The following NGEF variants were observed in gnomAD, a reference collection of about 807,000 sequenced individuals.
NGEF encodes neuronal guanine nucleotide exchange factor.
In NGEF, 31 loss-of-function variants were observed where a neutral mutation model predicts 80.9. That is an observed-to-expected ratio of 0.38 (90% confidence interval 0.29 to 0.52). The LOEUF is 0.52. Ranked by LOEUF, NGEF falls within the 20% of genes least tolerant of loss-of-function variation. The pLI is 0.84. For synonymous variants in NGEF, 371 were observed against 370.2 expected (o/e 1.00, Z -0.03); for missense variants, 709 against 926.2 (o/e 0.77, Z 3.04).
At chr2:232,988,713 A>G (rs985501092) in intron 1 of NGEF, among the ~76,000 whole-genome samples, 12 of 152,210 alleles carry the variant, frequency 7.9e-5, no homozygotes, top group Admixed American at 5.9e-4. Context: ...TCATGGCAGC[A>G]TTGTTCAAGG....
chr2:232,899,004 G>A (rs1295213830), intron 5 of NGEF, among the ~76,000 whole-genome samples: 1 of 152,078 alleles, frequency 6.6e-6, no homozygotes, highest in Non-Finnish European at 1.5e-5. Flanking sequence ...GTGAATGGGT[G>A]TATGTGTGTT....
At chr2:232,929,373 A>G (rs1424244332) in intron 3 of NGEF, among the ~76,000 whole-genome samples, 1 of 152,216 alleles carries the variant, frequency 6.6e-6, no homozygotes, top group Admixed American at 6.5e-5. Context: ...GCTGAGAAGC[A>G]TTAAGCTTTT....
intron 1 of NGEF, among the ~76,000 whole-genome samples, chr2:232,986,748 C>T (rs1694539937): frequency 6.6e-6 from 1 of 152,126 alleles, no homozygotes; most frequent in African/African-American, 2.4e-5. Flanking sequence ...TAAAACCTTT[C>T]AATTATAAGA....
chr2:232,968,561 C>T (rs1253878652), intron 3 of NGEF, among the ~76,000 whole-genome samples: 1 of 151,944 alleles, frequency 6.6e-6, no homozygotes, highest in East Asian at 1.9e-4. Context: ...TGCACCATCA[C>T]ATGTGGCTAA....
chr2:232,981,722 C>G (rs146247412), intron 1 of NGEF, among the ~76,000 whole-genome samples: 6 of 152,318 alleles, frequency 3.9e-5, no homozygotes, highest in Non-Finnish European at 8.8e-5. Flanking sequence ...AAACTCCAAT[C>G]CCCGAATGCT....
At chr2:232,946,410 C>T (rs1693559657) in intron 3 of NGEF, among the ~76,000 whole-genome samples, 1 of 152,058 alleles carries the variant, frequency 6.6e-6, no homozygotes, top group Non-Finnish European at 1.5e-5. Flanking sequence ...CAAAACACCA[C>T]CTGTTTCCCA....
chr2:232,965,986 G>A (rs1164233899), intron 3 of NGEF, among the ~76,000 whole-genome samples: 1 of 152,222 alleles, frequency 6.6e-6, no homozygotes, highest in Non-Finnish European at 1.5e-5. Flanking sequence ...CATGGGTCTT[G>A]TATGAAACCT....
At chr2:232,952,018 C>A (rs1009249250) in intron 3 of NGEF, among the ~76,000 whole-genome samples, 1 of 152,084 alleles carries the variant, frequency 6.6e-6, no homozygotes, top group Admixed American at 6.5e-5. Flanking sequence ...CCTAGGAAGG[C>A]GTGGTGTGGT....
chr2:232,905,372 A>G (rs973992469), intron 5 of NGEF, among the ~76,000 whole-genome samples: 15 of 141,658 alleles, frequency 1.1e-4, no homozygotes, highest in South Asian at 4.4e-4. Context: ...CCGAGGTGCC[A>G]GGATTGCAGA....
chr2:232,983,502 G>T (rs1232952974), intron 1 of NGEF, among the ~76,000 whole-genome samples: 1 of 152,178 alleles, frequency 6.6e-6, no homozygotes, highest in Non-Finnish European at 1.5e-5. Flanking sequence ...AGAGGTCAGG[G>T]GTGCCTATCT....
intron 3 of NGEF, among the ~76,000 whole-genome samples, chr2:232,944,726 AATATATATATATATATATATATAT>A (rs57851903): frequency 1.7e-4 from 19 of 108,748 alleles, no homozygotes; most frequent in African/African-American, 5.8e-4. Context: ...GACTTTTCCG[AATATATATATATATATATATATAT>A]ATATATATAT....
intron 1 of NGEF, among the ~76,000 whole-genome samples, chr2:233,007,559 T>C (rs992827854): frequency 6.6e-6 from 1 of 152,234 alleles, no homozygotes. Flanking sequence ...ACCCTAGCAC[T>C]GCTCACATGA....
chr2:232,972,620 T>A (rs1226697769), intron 2 of NGEF, among the ~76,000 whole-genome samples: 1 of 152,108 alleles, frequency 6.6e-6, no homozygotes, highest in Non-Finnish European at 1.5e-5. Flanking sequence ...TATTTTTTGA[T>A]CTGTAAAATG....
rs114603318 is a variant in NGEF, at chr2:232,915,070, C to T, written c.828+5214G>A. Among the ~76,000 whole-genome samples, 702 of 151,676 alleles carry T rather than the reference C, an allele frequency of 4.6e-3. 8 individuals are homozygous for T. The highest frequency in any genetic ancestry group is 0.016 in the African/African-American group (676 of 41,410). ...CATCAAGGCAGGGAATTCCACCAGA[C>T]GGCTCTGCTGCAGGCCAGCCTAAGT... On this transcript the variant is annotated intron_variant, in intron 5 of 14. Transcript: ENST00000264051.
At chr2:232,906,695 T>C (rs1318280913) in intron 5 of NGEF, among the ~76,000 whole-genome samples, 1 of 138,048 alleles carries the variant, frequency 7.2e-6, no homozygotes. Flanking sequence ...CAACAGCTCA[T>C]TGAGAACGGG....
intron 3 of NGEF, among the ~76,000 whole-genome samples, chr2:232,943,671 AT>A (rs1693488990): frequency 6.6e-6 from 1 of 150,684 alleles, no homozygotes; most frequent in South Asian, 2.1e-4. Context: ...AATTTTTTGT[AT>A]TTTTAGTAGA....
At chr2:232,911,367 G>A (rs546003352) in intron 5 of NGEF, among the ~76,000 whole-genome samples, 1 of 152,000 alleles carries the variant, frequency 6.6e-6, no homozygotes, top group Non-Finnish European at 1.5e-5. Context: ...ACTGATCTAT[G>A]TGTCTGTAAT....
At chr2:232,994,580 C>T (rs1458615922) in intron 1 of NGEF, among the ~76,000 whole-genome samples, 1 of 152,118 alleles carries the variant, frequency 6.6e-6, no homozygotes, top group Non-Finnish European at 1.5e-5. Context: ...TGCCATATGA[C>T]ACCGGGGAAG....
chr2:232,891,573 G>A (rs1425045007), intron 7 of NGEF, 86 bp from the exon 8 acceptor site: 87 of 1,449,944 alleles, frequency 6.0e-5, no homozygotes, highest in Non-Finnish European at 7.8e-5. Context: ...AGCCTCCCAG[G>A]ATCCAGACGA....
Sources: allele counts gnomAD v4.1 joint callset (sites outside exome capture counted in the v4.1 genomes callset), GRCh38; gene constraint gnomAD v4.1.1; transcripts MANE v1.5; gene names NCBI Gene and HGNC (gene_info 2026-07-23, HGNC 2026-07-21).